MYSM1: variants seen among roughly 807,000 people sequenced by gnomAD.
MYSM1 encodes the protein Myb like, SWIRM and MPN domains 1.
A neutral mutation model predicts 116.0 loss-of-function variants in MYSM1; 51 were observed. That is an observed-to-expected ratio of 0.44 (90% CI 0.35 to 0.56). MYSM1 has a LOEUF of 0.56. MYSM1 is among the 20% of genes least tolerant of loss of function. The pLI, the probability that MYSM1 is intolerant of heterozygous loss-of-function variation, is 0.00. For missense variants in MYSM1, 900 were observed against 974.9 expected (o/e 0.92, Z 1.02); for synonymous variants, 313 against 315.2 (o/e 0.99, Z 0.07).
At chr1:58,699,380 G>A (rs1027533351) in intron 1 of MYSM1, among the ~76,000 whole-genome samples, 3 of 152,166 alleles carry the variant, frequency 2.0e-5, no homozygotes, top group Non-Finnish European at 4.4e-5. Flanking sequence ...ATGACTCCCA[G>A]TTTAAATATG....
At chr1:58,666,639 G>A (rs568579207) in intron 16 of MYSM1, among the ~76,000 whole-genome samples, 15 of 143,328 alleles carry the variant, frequency 1.0e-4, no homozygotes, top group Non-Finnish European at 1.5e-4. Context: ...TTTGGAGGCC[G>A]AGGCGGGCCA....
In MYSM1 at chr1:58,662,857, A is replaced by G. The variant is rs78325701; in HGVS notation, c.2165-1346T>C. Among the ~76,000 whole-genome samples, 1,392 of 152,212 alleles carry G rather than the reference A, an allele frequency of 9.1e-3. 18 individuals are homozygous for G. Among genetic ancestry groups the G allele is most frequent in the African/African-American group, 0.032 (1,311 of 41,550 alleles). On this transcript the variant is annotated intron_variant, in intron 17 of 19. Transcript: ENST00000472487. Reference sequence around the variant, plus strand: ...AAAAACTTAAGAAGAGTGACACACTATAGTACACGGGGTATTAAGCAAACT... The same window carrying G: ...AAAAACTTAAGAAGAGTGACACACTGTAGTACACGGGGTATTAAGCAAACT...
intron 8 of MYSM1, among the ~76,000 whole-genome samples, chr1:58,681,373 T>C (rs1252575131): frequency 6.6e-6 from 1 of 152,224 alleles, no homozygotes; most frequent in Non-Finnish European, 1.5e-5. Context: ...AAGATCACTA[T>C]TTAGAAGTGT....
chr1:58,689,662 CTTCAT>C (rs1644875977), intron 5 of MYSM1: 1 of 152,618 alleles, frequency 6.6e-6, no homozygotes, highest in South Asian at 2.1e-4. Context: ...CTTTTGTTAA[CTTCAT>C]TTCATTGTTT....
rs1644309174 is a variant in MYSM1, at chr1:58,655,573, T to A, written c.*4424A>T. 6.6e-6 allele frequency: 1 copy of A among 152,078 alleles called. No homozygotes were observed. The highest frequency in any genetic ancestry group is 1.5e-5 in the Non-Finnish European group (1 of 68,014). The allele number at this position is 152,078 out of a possible 1,614,324, so 9.4% of individuals were successfully genotyped here. A position where few individuals can be genotyped will look rare whatever the true frequency, so the allele number is the denominator to read the frequency against. On this transcript the variant is annotated 3_prime_UTR_variant, in exon 20 of 20. Transcript: ENST00000472487. ...TAGACTCAGAATATACTAGAAAGTA[T>A]AATTATAGGTTAAATAAAAAAGAAA...
chr1:58,686,602 A>G (rs1395332462), intron 6 of MYSM1, among the ~76,000 whole-genome samples: 1 of 152,226 alleles, frequency 6.6e-6, no homozygotes, highest in African/African-American at 2.4e-5. Context: ...TCTTAAACTC[A>G]AAGTGCTTCT....
intron 17 of MYSM1, among the ~76,000 whole-genome samples, chr1:58,662,002 T>C (rs1040080825): frequency 1.3e-5 from 2 of 151,870 alleles, no homozygotes; most frequent in African/African-American, 4.8e-5. Flanking sequence ...AAACTGAAGC[T>C]GAGATACATT....
At chr1:58,684,459 G>A (rs1644795535) in intron 7 of MYSM1, among the ~76,000 whole-genome samples, 1 of 151,628 alleles carries the variant, frequency 6.6e-6, no homozygotes. Context: ...CAGCTACTCA[G>A]GAGGCTGAGG....
At chr1:58,662,155 G>A (rs961625668) in intron 17 of MYSM1, among the ~76,000 whole-genome samples, 4 of 152,028 alleles carry the variant, frequency 2.6e-5, no homozygotes, top group Non-Finnish European at 5.9e-5. Context: ...GAACTCTGGG[G>A]AGGCAGCAAC....
chr1:58,699,742 C>G, intron 1 of MYSM1: 1 of 985,418 alleles, frequency 1.0e-6, no homozygotes, highest in Non-Finnish European at 1.2e-6. Flanking sequence ...GAAATCGGTG[C>G]CCTCACAGCA....
In MYSM1 at chr1:58,690,235, G is replaced by T; in HGVS notation, c.311C>A (p.Ala104Glu). 1 of 1,565,190 alleles carries T rather than the reference G, an allele frequency of 6.4e-7. No individual in the cohort carries two copies. Among genetic ancestry groups the T allele is most frequent in the Non-Finnish European group, 8.6e-7 (1 of 1,158,552 alleles). ...KKYMKSLQKTAKIMVHSPTKP... is the reference protein window; with the variant it reads ...KKYMKSLQKTEKIMVHSPTKP... ...AAATATAAGTACATACATGATTTTT[G>T]CTGTTTTCTGCAGACTGCATCACAT... Residue 104 changes from alanine to glutamate, a missense_variant, in exon 5 of 20, where the codon GCA (alanine) becomes GAA (glutamate). Ala to Glu is a moderately radical substitution (Grantham distance 107). This residue lies in a region of MYSM1 where 622 missense variants were observed against 623.7 expected (regional missense o/e 1.00). Coordinates refer to ENST00000472487, the MANE Select transcript of MYSM1 (RefSeq NM_001085487.3).
At chr1:58,677,821 T>A (rs1644676650) in intron 8 of MYSM1, among the ~76,000 whole-genome samples, 1 of 152,094 alleles carries the variant, frequency 6.6e-6, no homozygotes, top group Non-Finnish European at 1.5e-5. Context: ...GTAGATTTTA[T>A]TAATATTATT....
chr1:58,674,732 T>C (rs1039287773), intron 10 of MYSM1, among the ~76,000 whole-genome samples: 6 of 152,056 alleles, frequency 3.9e-5, no homozygotes, highest in African/African-American at 1.4e-4. Context: ...GAGACCATCC[T>C]GGCTAACAAG....
chr1:58,658,871 T>A lies in MYSM1; in HGVS notation c.*1126A>T, dbSNP rs1249463990. 1 of 151,282 alleles carries A rather than the reference T, an allele frequency of 6.6e-6. No homozygotes were observed. The highest frequency in any genetic ancestry group is 1.5e-5 in the Non-Finnish European group (1 of 67,976). The allele number at this position is 151,282 out of a possible 1,614,324, so 9.4% of individuals were successfully genotyped here. ...ATTCTAATGTTTAAAATTCTCTAGA[T>A]CAAGGGTTGGAGAATAATAGCCAAC... On this transcript the variant is annotated 3_prime_UTR_variant, in exon 20 of 20. Transcript: ENST00000472487.
intron 1 of MYSM1, chr1:58,699,595 A>G (rs1645033103): frequency 2.0e-6 from 2 of 978,402 alleles, no homozygotes; most frequent in South Asian, 9.5e-5. Context: ...TCACACGGCT[A>G]GCAAGCCATA....
intron 1 of MYSM1, among the ~76,000 whole-genome samples, chr1:58,698,098 A>ATTTTTTTTTTTTTTT (rs1386142383): frequency 2.0e-4 from 6 of 30,234 alleles, no homozygotes; most frequent in African/African-American, 6.4e-4. Context: ...ATATATATAT[A>ATTTTTTTTTTTTTTT]TATATTTTTT....
At chr1:58,690,520 T>C in intron 3 of MYSM1, 103 bp from the exon 4 acceptor site, 1 of 739,776 alleles carries the variant, frequency 1.4e-6, no homozygotes, top group Admixed American at 3.3e-5. Flanking sequence ...AATAGTTCCC[T>C]TGTCTTCCCA....
chr1:58,680,767 C>T (rs1644729070), intron 8 of MYSM1, among the ~76,000 whole-genome samples: 2 of 152,120 alleles, frequency 1.3e-5, no homozygotes, highest in Non-Finnish European at 2.9e-5. Flanking sequence ...GTAAAGATGG[C>T]CCTATACAAT....
intron 3 of MYSM1, among the ~76,000 whole-genome samples, 172 bp from the exon 4 acceptor site, chr1:58,690,589 G>A (rs954155375): frequency 1.3e-5 from 2 of 151,954 alleles, no homozygotes; most frequent in Non-Finnish European, 2.9e-5. Context: ...CCAATCCTCT[G>A]CCTGCAGGCT....
Sources: allele counts gnomAD v4.1 joint callset (sites outside exome capture counted in the v4.1 genomes callset), GRCh38; gene constraint gnomAD v4.1.1; regional missense constraint gnomAD v4.1.1; transcripts MANE v1.5; gene names NCBI Gene and HGNC (gene_info 2026-07-23, HGNC 2026-07-21).